Variants in SFXN5 observed in about 807,000 individuals in gnomAD.
The protein encoded by SFXN5 is sideroflexin 5.
A neutral mutation model predicts 50.2 loss-of-function variants in SFXN5; 43 were observed. The ratio of observed to expected loss-of-function variants is 0.86; its 90% CI spans 0.67 to 1.11. SFXN5 has a LOEUF of 1.11. Among genes scored for constraint, SFXN5 ranks in the 50% least tolerant of loss-of-function variants. SFXN5 has a pLI of 0.00. For missense variants in SFXN5, 463 were observed against 454.1 expected (o/e 1.02, Z -0.18); for synonymous variants, 203 against 185.8 (o/e 1.09, Z -0.75).
At chr2:72,970,649 G>C (rs1675046404) in intron 11 of SFXN5, among the ~76,000 whole-genome samples, 1 of 151,874 alleles carries the variant, frequency 6.6e-6, no homozygotes, top group Admixed American at 6.6e-5. Flanking sequence ...CAGGACAAAG[G>C]CTGGGAAAGC....
chr2:73,004,351 A>T (rs1324277202), intron 6 of SFXN5, among the ~76,000 whole-genome samples: 1 of 148,584 alleles, frequency 6.7e-6, no homozygotes, highest in East Asian at 2.0e-4. Context: ...ACACACACAC[A>T]CTCCTTAACC....
intron 13 of SFXN5, chr2:72,957,204 C>A: frequency 2.5e-6 from 1 of 392,768 alleles, no homozygotes; most frequent in Non-Finnish European, 5.2e-6. Context: ...ATCTGACTGT[C>A]TAGGAATCAT....
chr2:73,009,924 G>A (rs182616038), intron 6 of SFXN5, among the ~76,000 whole-genome samples: 3 of 152,298 alleles, frequency 2.0e-5, no homozygotes, highest in South Asian at 2.1e-4. Context: ...GGCATCTGCT[G>A]GGTTGGCCAG....
chr2:73,008,777 CT>C (rs1675099315), intron 6 of SFXN5, among the ~76,000 whole-genome samples: 1 of 152,216 alleles, frequency 6.6e-6, no homozygotes, highest in African/African-American at 2.4e-5. Flanking sequence ...ATTGGGATCT[CT>C]TTGCCACACA....
intron 3 of SFXN5, among the ~76,000 whole-genome samples, chr2:73,040,158 T>A (rs560513317): frequency 3.3e-5 from 5 of 152,168 alleles, no homozygotes; most frequent in Non-Finnish European, 5.9e-5. Flanking sequence ...TATGCACACA[T>A]GACTTTGAAA....
chr2:72,994,349 T>C (rs1164284305), intron 9 of SFXN5, among the ~76,000 whole-genome samples: 1 of 152,136 alleles, frequency 6.6e-6, no homozygotes, highest in Non-Finnish European at 1.5e-5. Context: ...CTGGAAGGTG[T>C]ATGGGTTCAG....
intron 2 of SFXN5, among the ~76,000 whole-genome samples, chr2:73,056,199 T>C (rs1682096480): frequency 1.3e-5 from 2 of 152,218 alleles, no homozygotes; most frequent in East Asian, 1.9e-4. Flanking sequence ...TATTCCTACA[T>C]ACATTTGTAA....
intron 10 of SFXN5, among the ~76,000 whole-genome samples, chr2:72,977,000 G>A (rs765256964): frequency 6.6e-6 from 1 of 152,136 alleles, no homozygotes; most frequent in East Asian, 1.9e-4. Flanking sequence ...ATCCTCCCAC[G>A]GGCAGTGACT....
intron 3 of SFXN5, among the ~76,000 whole-genome samples, chr2:73,036,457 A>G (rs1382057081): frequency 6.6e-6 from 1 of 152,174 alleles, no homozygotes; most frequent in African/African-American, 2.4e-5. Flanking sequence ...AGGCATCACC[A>G]ACATGAGCCA....
intron 3 of SFXN5, among the ~76,000 whole-genome samples, chr2:73,032,550 G>A (rs1014861364): frequency 2.0e-5 from 3 of 152,168 alleles, no homozygotes; most frequent in Non-Finnish European, 4.4e-5. Context: ...CCTGAAGTTC[G>A]GTGTAGAGTC....
At position 72,968,442 on chromosome 2, in the gene SFXN5, A is replaced by G. The variant is rs538414775; in HGVS notation, c.827+6T>C. On this transcript the variant is annotated splice_donor_region_variant and intron_variant, in intron 12 of 13. Transcript: ENST00000272433. ...TGGCCTCTCCATCCTGGCTGCCCCAACTCACTTCTCCAGCATGGACATGAC... is the reference window on the plus strand; with the variant it reads ...TGGCCTCTCCATCCTGGCTGCCCCAGCTCACTTCTCCAGCATGGACATGAC... 5.6e-6 allele frequency: 9 copies of G among 1,609,156 alleles called. No homozygotes were observed. Among genetic ancestry groups the G allele is most frequent in the South Asian group, 1.1e-5 (1 of 90,666 alleles).
chr2:72,948,637 G>A (rs1350836228), intron 13 of SFXN5, among the ~76,000 whole-genome samples: 1 of 152,260 alleles, frequency 6.6e-6, no homozygotes, highest in Admixed American at 6.5e-5. Context: ...CCTAGAGCAT[G>A]CTGGCCCGGG....
intron 6 of SFXN5, among the ~76,000 whole-genome samples, chr2:73,006,116 A>T (rs891348286): frequency 6.6e-5 from 10 of 152,086 alleles, no homozygotes; most frequent in Non-Finnish European, 1.2e-4. Context: ...CAGAGGCCTC[A>T]TGCCTTCCTG....
chr2:73,034,614 C>T (rs1678726801), intron 3 of SFXN5, among the ~76,000 whole-genome samples: 3 of 152,132 alleles, frequency 2.0e-5, no homozygotes, highest in African/African-American at 7.2e-5. Context: ...TGGTTCCCAA[C>T]CTCTGGGGAA....
At chr2:73,001,195 T>G (rs989215249) in intron 7 of SFXN5, among the ~76,000 whole-genome samples, 1 of 152,236 alleles carries the variant, frequency 6.6e-6, no homozygotes, top group African/African-American at 2.4e-5. Flanking sequence ...TCAGGGTCAC[T>G]GGCCTTGGGA....
rs2901334 is a variant in SFXN5 at position 73,028,135 on chromosome 2, C to T, written c.250-4921G>A. Among the ~76,000 whole-genome samples the T allele has an allele frequency of 5.9e-3, 903 of 152,266 alleles. 4 individuals carry two copies. The highest frequency in any genetic ancestry group is 8.6e-3 in the Non-Finnish European group (582 of 68,024). On this transcript the variant is annotated intron_variant, in intron 3 of 13. Coordinates refer to ENST00000272433, the MANE Select transcript of SFXN5 (RefSeq NM_144579.3). Reference sequence around the variant, plus strand: ...AGCCTAGGTGTGGAGTAGACTCTACCATCTAGGTTTGTGTAAGTGCACTCT... The same window carrying T: ...AGCCTAGGTGTGGAGTAGACTCTACTATCTAGGTTTGTGTAAGTGCACTCT...
rs139583156 is a variant in SFXN5, at chr2:72,944,952, C to G, written c.*70G>C. On this transcript the variant is annotated 3_prime_UTR_variant, in exon 14 of 14. Transcript: ENST00000272433. ...GCGTGCTGCTCCCTGCAGGTGCAGC[C>G]GTGAGTCTACGGCCCTGCCCCTCAG... 21 of 1,454,486 alleles carry G rather than the reference C, an allele frequency of 1.4e-5. No individual in the cohort carries two copies. The highest frequency in any genetic ancestry group is 1.9e-5 in the Non-Finnish European group (20 of 1,051,028). The allele number at this position is 1,454,486 out of a possible 1,614,324, so 90.1% of individuals were successfully genotyped here. A position where few individuals can be genotyped will look rare whatever the true frequency, so the allele number is the denominator to read the frequency against.
chr2:72,951,752 A>G (rs954163333), intron 13 of SFXN5, among the ~76,000 whole-genome samples: 3 of 151,858 alleles, frequency 2.0e-5, no homozygotes, highest in African/African-American at 7.3e-5. Flanking sequence ...TGACCCTGTG[A>G]CATAGCTCAA....
chr2:73,063,871 C>T (rs1323081204), intron 1 of SFXN5, among the ~76,000 whole-genome samples: 2 of 152,208 alleles, frequency 1.3e-5, no homozygotes, highest in Non-Finnish European at 2.9e-5. Flanking sequence ...AGTCTCAGTT[C>T]ATTTTTATTT....
Sources: gnomAD v4.1 joint callset for allele counts (sites outside exome capture counted in the v4.1 genomes callset) on GRCh38, gnomAD v4.1.1 for gene constraint, MANE v1.5 for transcripts, NCBI Gene and HGNC (gene_info 2026-07-23, HGNC 2026-07-21) for gene names.